METTL8: variants seen among roughly 807,000 people sequenced by gnomAD.
The protein encoded by METTL8 is methyltransferase 8, tRNA N3-cytidine, also known as tRNA N(3)-cytidine methyltransferase METTL8, mitochondrial.
METTL8 carries 32 observed loss-of-function variants against 48.7 expected under a neutral mutation model. The ratio of observed to expected loss-of-function variants is 0.66; its 90% CI spans 0.50 to 0.88. The LOEUF (loss-of-function observed/expected upper bound fraction) is 0.88. Ranked by LOEUF, METTL8 falls within the 40% of genes least tolerant of loss-of-function variation. The probability of loss-of-function intolerance (pLI) is 0.00; values close to 1 mark genes in which losing one functional copy is unlikely to be tolerated. For missense variants in METTL8, 464 were observed against 474.4 expected, an observed-to-expected ratio of 0.98 and a Z score of 0.20; for synonymous variants, 136 against 157.1, an observed-to-expected ratio of 0.87 and a Z score of 1.01.
rs369243101 is a variant in METTL8, at chr2:171,331,107, T to C, written c.721-409A>G. Among the ~76,000 whole-genome samples, 7 of 152,160 alleles carry C rather than the reference T, an allele frequency of 4.6e-5. No individual in the cohort carries two copies. In the East Asian group the frequency reaches 7.7e-4, roughly 17 times the overall value. ...CTTTCTGGTCATTTCTTGTGTGTTG[T>C]TGGCCTTTCTTTCTTTCTTTTTGAG... On this transcript the variant is annotated intron_variant, in intron 6 of 9. Transcript: ENST00000375258.
intron 1 of METTL8, among the ~76,000 whole-genome samples, chr2:171,410,928 C>T (rs1690687937): frequency 6.6e-6 from 1 of 152,118 alleles, no homozygotes; most frequent in Non-Finnish European, 1.5e-5. Context: ...AGATAATATC[C>T]TTAAATGTTA....
intron 2 of METTL8, among the ~76,000 whole-genome samples, chr2:171,367,019 TG>T (rs1286038267): frequency 6.6e-6 from 1 of 151,126 alleles, no homozygotes; most frequent in Non-Finnish European, 1.5e-5. Flanking sequence ...TGAAAAAAAG[TG>T]TGAGTCTCAG....
At chr2:171,356,952 A>ATGTTTTTTTTTTGTTTTTTTTTTTTT in intron 3 of METTL8, among the ~76,000 whole-genome samples, 2 of 78,468 alleles carry the variant, frequency 2.5e-5, no homozygotes, top group Non-Finnish European at 4.8e-5. Flanking sequence ...CAAAGACAAT[A>ATGTTTTTTTTTTGTTTTTTTTTTTTT]TTTTTTTTTT....
chr2:171,326,185 T>C, intron 7 of METTL8, 37 bp from the exon 8 acceptor site: 1 of 1,157,948 alleles, frequency 8.6e-7, no homozygotes, highest in Non-Finnish European at 1.2e-6. Flanking sequence ...ACCCAGTTTG[T>C]AGAAATCTTG....
intron 2 of METTL8, among the ~76,000 whole-genome samples, chr2:171,388,471 C>A (rs1198979558): frequency 6.6e-6 from 1 of 152,204 alleles, no homozygotes; most frequent in African/African-American, 2.4e-5. Flanking sequence ...ACTATCCTAT[C>A]CTCTATCTCA....
At chr2:171,434,197 C>T (rs1693563240), upstream of METTL8, 2 of 395,372 alleles carry the variant, frequency 5.1e-6, no homozygotes, top group East Asian at 7.7e-5. Context: ...CCTCGCTCCC[C>T]GCCGCCTGAC....
rs188621678 is a variant in METTL8 at position 171,406,666 on chromosome 2, T to C, written c.-12-14469A>G. On this transcript the variant is annotated intron_variant, in intron 1 of 9. Transcript: ENST00000375258. ...AGGCCCATCTCTAAATAAAGTCACATTGTGGGGTAGGCCTTCAGCATATGA... is the reference window on the plus strand; with the variant it reads ...AGGCCCATCTCTAAATAAAGTCACACTGTGGGGTAGGCCTTCAGCATATGA... 1.9e-3 allele frequency among the ~76,000 whole-genome samples: 285 copies of C among 152,286 alleles called. 5 individuals are homozygous for C. Among genetic ancestry groups the C allele is most frequent in the Admixed American group, 0.017 (266 of 15,280 alleles).
chr2:171,422,834 T>C (rs1393404171), intron 1 of METTL8, among the ~76,000 whole-genome samples: 2 of 152,178 alleles, frequency 1.3e-5, no homozygotes, highest in African/African-American at 4.8e-5. Context: ...TGTAAAGTAA[T>C]GGGAAGTCAG....
chr2:171,407,903 A>T (rs1690350552), intron 1 of METTL8, among the ~76,000 whole-genome samples: 1 of 152,230 alleles, frequency 6.6e-6, no homozygotes, highest in Non-Finnish European at 1.5e-5. Flanking sequence ...TTTTGAATAG[A>T]GAAAAGTGGT....
At chr2:171,382,262 T>C (rs114307704) in intron 2 of METTL8, among the ~76,000 whole-genome samples, 2,380 of 152,290 alleles carry the variant, frequency 0.016, 29 homozygotes, top group Non-Finnish European at 0.024. Context: ...CACATGTGCT[T>C]ACTGCAGCAC....
intron 2 of METTL8, among the ~76,000 whole-genome samples, chr2:171,384,926 T>C (rs1449483447): frequency 6.6e-6 from 1 of 152,050 alleles, no homozygotes; most frequent in Admixed American, 6.6e-5. Context: ...GGAAGGCAAA[T>C]CTTTCTCAGC....
intron 1 of METTL8, among the ~76,000 whole-genome samples, chr2:171,411,719 A>G (rs1219441465): frequency 6.6e-6 from 1 of 152,232 alleles, no homozygotes; most frequent in Non-Finnish European, 1.5e-5. Flanking sequence ...TTATTAGTCT[A>G]GGAAAAAAGT....
chr2:171,320,762 T>C lies in METTL8; in HGVS notation c.*3410A>G, dbSNP rs1207070029. ...AACAGAAAGCTTGATAATTGTACTT[T>C]TGAGGACTTGCCATCAAGGCAAGTT... On this transcript the variant is annotated 3_prime_UTR_variant, in exon 10 of 10. Transcript: ENST00000375258. The C allele has an allele frequency of 6.6e-6, 1 of 152,260 alleles. No homozygotes were observed. Among genetic ancestry groups the C allele is most frequent in the African/African-American group, 2.4e-5 (1 of 41,474 alleles). 9.4% of individuals were successfully genotyped at this position (152,260 alleles called of 1,614,324 possible). A position where few individuals can be genotyped will look rare whatever the true frequency, so the allele number is the denominator to read the frequency against.
rs1373909651 is a variant in METTL8, at chr2:171,315,853, C to G, written c.*8319G>C. ...AAGAAAATGTTCAACTATGTAATAA[C>G]CAAAGCTTCCTTAACTTGGGAATCT... is the stretch of plus-strand genomic sequence containing the variant. On this transcript the variant is annotated 3_prime_UTR_variant, in exon 10 of 10. Transcript: ENST00000375258. Among the ~76,000 whole-genome samples the G allele has an allele frequency of 6.6e-6, 1 of 152,162 alleles. No individual in the cohort carries two copies. Among genetic ancestry groups the G allele is most frequent in the Admixed American group, 6.5e-5 (1 of 15,276 alleles).
intron 2 of METTL8, among the ~76,000 whole-genome samples, chr2:171,371,584 C>T (rs187726679): frequency 4.1e-4 from 62 of 151,906 alleles, no homozygotes; most frequent in African/African-American, 1.4e-3. Context: ...CTTGAACTCC[C>T]GACCTCAGGT....
At chr2:171,372,288 A>AT (rs1018892840) in intron 2 of METTL8, among the ~76,000 whole-genome samples, 202 of 150,128 alleles carry the variant, frequency 1.3e-3, no homozygotes, top group African/African-American at 3.8e-3. Context: ...GGAAGGGGGC[A>AT]TTTTTTTTTT....
intron 1 of METTL8, among the ~76,000 whole-genome samples, chr2:171,427,809 C>A (rs1421256574): frequency 1.3e-5 from 2 of 152,184 alleles, no homozygotes; most frequent in African/African-American, 2.4e-5. Flanking sequence ...CTCCTCCCAC[C>A]TGTAGGGACC....
chr2:171,426,013 C>T (rs1474719794), intron 1 of METTL8, among the ~76,000 whole-genome samples: 4 of 151,944 alleles, frequency 2.6e-5, no homozygotes, highest in African/African-American at 4.8e-5. Context: ...AAAAATTAGC[C>T]GGGCATGGTG....
chr2:171,393,452 A>G (rs1384203507), intron 1 of METTL8, among the ~76,000 whole-genome samples: 1 of 149,010 alleles, frequency 6.7e-6, no homozygotes, highest in African/African-American at 2.5e-5. Context: ...GCTCAAGAGG[A>G]GAATCATCTG....
Sources: gnomAD v4.1 joint callset for allele counts (sites outside exome capture counted in the v4.1 genomes callset) on GRCh38, gnomAD v4.1.1 for gene constraint, MANE v1.5 for transcripts, NCBI Gene and HGNC (gene_info 2026-07-23, HGNC 2026-07-21) for gene names.